The following ERC2 variants were observed in gnomAD, a reference collection of about 807,000 sequenced individuals.
ERC2 encodes ELKS/RAB6-interacting/CAST family member 2.
ERC2 carries 42 observed loss-of-function variants against 114.8 expected under a neutral mutation model. The ratio of observed to expected loss-of-function variants is 0.37; its 90% CI spans 0.29 to 0.47. The LOEUF (loss-of-function observed/expected upper bound fraction) is 0.47, where lower values mean the gene tolerates loss of function less well. ERC2 is among the 20% of genes least tolerant of loss of function. The pLI is 0.99. For synonymous variants in ERC2, 454 were observed against 425.5 expected, an observed-to-expected ratio of 1.07 and a Z score of -0.82; for missense variants, 939 against 1,150.7, an observed-to-expected ratio of 0.82 and a Z score of 2.66.
chr3:55,767,150 C>G (rs1304960522), intron 14 of ERC2, among the ~76,000 whole-genome samples: 1 of 152,170 alleles, frequency 6.6e-6, no homozygotes, highest in Non-Finnish European at 1.5e-5. Flanking sequence ...GGTGCTGATA[C>G]CAGTTGGAGA....
At chr3:55,735,722 C>A (rs975453078) in intron 14 of ERC2, among the ~76,000 whole-genome samples, 1 of 152,050 alleles carries the variant, frequency 6.6e-6, no homozygotes, top group Admixed American at 6.6e-5. Flanking sequence ...AGATACTCTG[C>A]GAAAACCCCC....
At chr3:56,441,066 G>A (rs1042703794) in intron 1 of ERC2, among the ~76,000 whole-genome samples, 13 of 152,180 alleles carry the variant, frequency 8.5e-5, no homozygotes, top group African/African-American at 2.4e-4. Context: ...CCAGCTCTGA[G>A]TCTAACCCTA....
chr3:56,427,199 A>T (rs532010144), intron 2 of ERC2, among the ~76,000 whole-genome samples: 2 of 151,590 alleles, frequency 1.3e-5, no homozygotes, highest in African/African-American at 4.8e-5. Flanking sequence ...GTGGAGTAAG[A>T]TTAGAAAATT....
At chr3:55,707,716 C>T (rs912257586) in intron 15 of ERC2, among the ~76,000 whole-genome samples, 1 of 152,206 alleles carries the variant, frequency 6.6e-6, no homozygotes, top group Non-Finnish European at 1.5e-5. Flanking sequence ...GTGTTGGCAT[C>T]ATCTCATTAA....
intron 1 of ERC2, among the ~76,000 whole-genome samples, chr3:56,449,728 G>A (rs1218950319): frequency 6.6e-6 from 1 of 152,134 alleles, no homozygotes; most frequent in Admixed American, 6.5e-5. Flanking sequence ...CAGACTTTTC[G>A]TATAGATTTG....
At chr3:55,979,795 A>G (rs937720826) in intron 12 of ERC2, among the ~76,000 whole-genome samples, 2 of 151,714 alleles carry the variant, frequency 1.3e-5, no homozygotes, top group African/African-American at 4.8e-5. Context: ...AAAAAAATTC[A>G]ATTAGCTGTG....
intron 14 of ERC2, among the ~76,000 whole-genome samples, chr3:55,781,398 T>C (rs2069029368): frequency 1.3e-5 from 2 of 152,168 alleles, no homozygotes; most frequent in Non-Finnish European, 2.9e-5. Context: ...AAAACCTTCC[T>C]GGACTTCTCC....
At chr3:55,584,506 A>G (rs1192248852) in intron 17 of ERC2, among the ~76,000 whole-genome samples, 1 of 151,524 alleles carries the variant, frequency 6.6e-6, no homozygotes, top group African/African-American at 2.4e-5. Flanking sequence ...CAGAATTTCC[A>G]CTTAGATGAG....
chr3:56,265,153 C>T (rs1328842259), intron 3 of ERC2, among the ~76,000 whole-genome samples: 3 of 152,106 alleles, frequency 2.0e-5, no homozygotes, highest in Non-Finnish European at 4.4e-5. Context: ...GCAAAGCAAT[C>T]CTGAGGAAGA....
In ERC2 at chr3:56,435,061, G is replaced by A. The variant is rs1363556923; in HGVS notation, c.-54C>T. On this transcript the variant is annotated 5_prime_UTR_variant, in exon 2 of 18. Coordinates refer to ENST00000288221, the MANE Select transcript of ERC2 (RefSeq NM_015576.3). ...GAGAAGAAATGCTATATTAAGTTGG[G>A]GTTTGAGCTAATATTTCCACGATTG... 7.2e-7 allele frequency: 1 copy of A among 1,382,064 alleles called. No individual in the cohort carries two copies. The highest frequency in any genetic ancestry group is 9.8e-7 in the Non-Finnish European group (1 of 1,025,252). The allele number at this position is 1,382,064 out of a possible 1,614,324, so 85.6% of individuals were successfully genotyped here. A position where few individuals can be genotyped will look rare whatever the true frequency, so the allele number is the denominator to read the frequency against.
In ERC2 at chr3:55,638,922, G is replaced by C. The variant is rs532485602; in HGVS notation, c.*39+44872C>G. ...TCCATCTTATCTTAGTGGAGATGGT[G>C]GACAGCACAGGGTTTGGTTTCAAAG... On this transcript the variant is annotated intron_variant, in intron 17 of 17. Coordinates refer to ENST00000288221, the MANE Select transcript of ERC2 (RefSeq NM_015576.3). Among the ~76,000 whole-genome samples the C allele has an allele frequency of 2.6e-5, 4 of 152,144 alleles. No individual in the cohort carries two copies. In the East Asian group the frequency reaches 5.8e-4, roughly 22 times the overall value.
chr3:56,256,715 T>C (rs2052540053), intron 3 of ERC2, among the ~76,000 whole-genome samples: 1 of 152,188 alleles, frequency 6.6e-6, no homozygotes, highest in East Asian at 1.9e-4. Context: ...GATTGAATCA[T>C]GTGGGCAATT....
At chr3:55,865,471 T>C (rs2062263084) in intron 14 of ERC2, among the ~76,000 whole-genome samples, 1 of 152,166 alleles carries the variant, frequency 6.6e-6, no homozygotes, top group East Asian at 1.9e-4. Context: ...TCACATACCA[T>C]ACAATTCACC....
chr3:56,032,917 A>AGAGAGAGAGAG (rs1560056305), intron 7 of ERC2, among the ~76,000 whole-genome samples: 1 of 76,042 alleles, frequency 1.3e-5, no homozygotes, highest in Non-Finnish European at 2.9e-5. Context: ...GAAAGAAAGA[A>AGAGAGAGAGAG]AGAAAGAAAG....
At chr3:55,581,252 T>G (rs2057246710) in intron 17 of ERC2, among the ~76,000 whole-genome samples, 1 of 152,166 alleles carries the variant, frequency 6.6e-6, no homozygotes, top group Non-Finnish European at 1.5e-5. Flanking sequence ...CGCCACTTCC[T>G]TTAAAAAGGA....
chr3:55,801,342 C>T (rs568919911), intron 14 of ERC2, among the ~76,000 whole-genome samples: 1 of 152,158 alleles, frequency 6.6e-6, no homozygotes, highest in African/African-American at 2.4e-5. Context: ...CTGAAGGGCT[C>T]AGAAAAACTG....
At chr3:56,070,346 G>A (rs2076674671) in intron 7 of ERC2, among the ~76,000 whole-genome samples, 1 of 152,160 alleles carries the variant, frequency 6.6e-6, no homozygotes, top group Non-Finnish European at 1.5e-5. Flanking sequence ...CTGGCAGCTT[G>A]GATTGACAGA....
chr3:55,660,162 T>A (rs890894962), intron 17 of ERC2, among the ~76,000 whole-genome samples: 1 of 152,176 alleles, frequency 6.6e-6, no homozygotes, highest in East Asian at 1.9e-4. Flanking sequence ...AGACTTTCCA[T>A]TGGCTGAATT....
At chr3:56,168,811 T>G (rs537573963) in intron 4 of ERC2, among the ~76,000 whole-genome samples, 1 of 152,324 alleles carries the variant, frequency 6.6e-6, no homozygotes, top group South Asian at 2.1e-4. Context: ...AAAGACAAAG[T>G]GAAGTCTTAT....
Sources: allele counts gnomAD v4.1 joint callset (sites outside exome capture counted in the v4.1 genomes callset), GRCh38; gene constraint gnomAD v4.1.1; transcripts MANE v1.5; gene names NCBI Gene and HGNC (gene_info 2026-07-23, HGNC 2026-07-21).